Variants in KCNN3 observed in about 807,000 individuals in gnomAD.
The protein encoded by KCNN3 is potassium calcium-activated channel subfamily N member 3, also known as small conductance calcium-activated potassium channel protein 3.
In KCNN3, 16 loss-of-function variants were observed where a neutral mutation model predicts 62.9. The observed-to-expected ratio is 0.25, with a 90% confidence interval of 0.17 to 0.39. The LOEUF is 0.39. Ranked by LOEUF, KCNN3 falls within the 10% of genes least tolerant of loss-of-function variation. The pLI, the probability that KCNN3 is intolerant of heterozygous loss-of-function variation, is 1.00. For missense variants in KCNN3, 599 were observed against 949.4 expected (o/e 0.63, Z 4.85); for synonymous variants, 370 against 389.2 (o/e 0.95, Z 0.58).
chr1:154,743,104 C>T lies in KCNN3; in HGVS notation c.1449-9960G>A, dbSNP rs1398406951. ...ATCCCTGGTCTGTGGCCACCCTGGA[C>T]CAGCCCCACCCTCTCACCTTGTCCA... On this transcript the variant is annotated intron_variant, in intron 3 of 7. Coordinates refer to ENST00000271915, the MANE Select transcript of KCNN3 (RefSeq NM_002249.6). Among the ~76,000 whole-genome samples the T allele has an allele frequency of 3.3e-5, 5 of 151,910 alleles. No homozygotes were observed. The East Asian group carries it at 9.7e-4, about 29-fold the overall frequency.
intron 1 of KCNN3, among the ~76,000 whole-genome samples, chr1:154,848,125 C>CCA (rs2101919738): frequency 6.6e-6 from 1 of 152,318 alleles, no homozygotes; most frequent in East Asian, 1.9e-4. Flanking sequence ...GTGGCTGGTG[C>CCA]CGGCTGGTGT....
At chr1:154,849,330 G>A (rs956366667) in intron 1 of KCNN3, among the ~76,000 whole-genome samples, 3 of 152,250 alleles carry the variant, frequency 2.0e-5, no homozygotes, top group Non-Finnish European at 4.4e-5. Flanking sequence ...TGGGAGAACA[G>A]CCATGTGGCC....
chr1:154,810,427 G>A (rs555257307), intron 2 of KCNN3, among the ~76,000 whole-genome samples: 2 of 148,412 alleles, frequency 1.3e-5, no homozygotes, highest in Non-Finnish European at 3.0e-5. Context: ...ATGGGGCTCA[G>A]TGAGGCTTCA....
chr1:154,773,749 G>A (rs1648671208), intron 2 of KCNN3, among the ~76,000 whole-genome samples: 1 of 152,230 alleles, frequency 6.6e-6, no homozygotes, highest in South Asian at 2.1e-4. Context: ...ACGATGGTGA[G>A]AAAGATCAAC....
At chr1:154,774,866 TC>T (rs1267938067) in intron 2 of KCNN3, among the ~76,000 whole-genome samples, 1 of 152,224 alleles carries the variant, frequency 6.6e-6, no homozygotes, top group Non-Finnish European at 1.5e-5. Flanking sequence ...CATGCATGCA[TC>T]CTGGGAAGGC....
intron 2 of KCNN3, among the ~76,000 whole-genome samples, chr1:154,790,597 C>T (rs895976145): frequency 1.3e-5 from 2 of 152,124 alleles, no homozygotes; most frequent in Admixed American, 6.5e-5. Context: ...GGCTCTCTGC[C>T]GCTGCCCAAC....
At position 154,834,387 on chromosome 1, in the gene KCNN3, C is replaced by T. The variant is rs927120701; in HGVS notation, c.934-12203G>A. Among the ~76,000 whole-genome samples, 8 of 152,332 alleles carry T rather than the reference C, an allele frequency of 5.3e-5. No homozygotes were observed. In the East Asian group the frequency reaches 7.7e-4, roughly 15 times the overall value. On this transcript the variant is annotated intron_variant, in intron 1 of 7. Transcript: ENST00000271915. ...CCTTGGGTGCTGGTCCTGCCTATCA[C>T]GGGGCATGCAGTAGAGTCTCCCAAG...
At chr1:154,788,470 C>G (rs1649377997) in intron 2 of KCNN3, among the ~76,000 whole-genome samples, 1 of 152,216 alleles carries the variant, frequency 6.6e-6, no homozygotes, top group South Asian at 2.1e-4. Context: ...GACCTTGACT[C>G]TTGTTTTGAA....
intron 5 of KCNN3, among the ~76,000 whole-genome samples, chr1:154,715,536 T>C (rs1700215983): frequency 6.6e-6 from 1 of 151,864 alleles, no homozygotes; most frequent in Non-Finnish European, 1.5e-5. Flanking sequence ...AGGGTCTTTC[T>C]TTCTTTCTTT....
At chr1:154,715,161 G>C (rs1700206409) in intron 5 of KCNN3, among the ~76,000 whole-genome samples, 158 bp from the exon 6 acceptor site, 1 of 152,124 alleles carries the variant, frequency 6.6e-6, no homozygotes, top group South Asian at 2.1e-4. Context: ...ATTAAGGCCG[G>C]GCACGGTGGC....
At chr1:154,749,172 C>T (rs909149563) in intron 3 of KCNN3, among the ~76,000 whole-genome samples, 9 of 152,236 alleles carry the variant, frequency 5.9e-5, no homozygotes, top group African/African-American at 2.2e-4. Flanking sequence ...CAGGGCTGCC[C>T]TGTTCAGCAG....
intron 2 of KCNN3, among the ~76,000 whole-genome samples, chr1:154,789,076 T>C (rs1649402746): frequency 1.3e-5 from 2 of 152,310 alleles, no homozygotes; most frequent in South Asian, 4.1e-4. Context: ...TTCACTAGAC[T>C]AACGTGGAGG....
chr1:154,797,573 T>A (rs747159802), intron 2 of KCNN3, among the ~76,000 whole-genome samples: 3 of 152,214 alleles, frequency 2.0e-5, no homozygotes, highest in Admixed American at 1.3e-4. Flanking sequence ...CGGACTTATT[T>A]GATTGATTCC....
At chr1:154,823,976 A>G (rs377028170) in intron 1 of KCNN3, among the ~76,000 whole-genome samples, 2 of 152,220 alleles carry the variant, frequency 1.3e-5, no homozygotes, top group South Asian at 4.1e-4. Flanking sequence ...CCATTCATTT[A>G]ATTGGTACAG....
Position 154,853,525 on chromosome 1 carries a change from G to A in KCNN3, c.933+15507C>T, listed in dbSNP as rs12044463. On this transcript the variant is annotated intron_variant, in intron 1 of 7. Coordinates refer to ENST00000271915, the MANE Select transcript of KCNN3 (RefSeq NM_002249.6). Reference sequence around the variant, plus strand: ...TAATTTTTTGTTTTGTTTAGAAGGCGTCTCACTATATGGCCTAGGCTGGTC... The same window carrying A: ...TAATTTTTTGTTTTGTTTAGAAGGCATCTCACTATATGGCCTAGGCTGGTC... Among the ~76,000 whole-genome samples, 132 of 152,018 alleles carry A rather than the reference G, an allele frequency of 8.7e-4. 3 individuals carry two copies. In the East Asian group the frequency reaches 0.019, roughly 22 times the overall value.
intron 4 of KCNN3, among the ~76,000 whole-genome samples, chr1:154,727,076 C>G (rs1448525778): frequency 2.0e-5 from 3 of 152,240 alleles, no homozygotes; most frequent in African/African-American, 7.2e-5. Context: ...TCACTACTCC[C>G]CTGGCTCTTC....
At chr1:154,805,170 G>A (rs977316911) in intron 2 of KCNN3, among the ~76,000 whole-genome samples, 14 of 152,154 alleles carry the variant, frequency 9.2e-5, no homozygotes, top group African/African-American at 3.4e-4. Context: ...AGGGGGACCT[G>A]GGCGTTCAGG....
chr1:154,784,727 G>A (rs1192358848), intron 2 of KCNN3, among the ~76,000 whole-genome samples: 1 of 152,234 alleles, frequency 6.6e-6, no homozygotes, highest in East Asian at 1.9e-4. Context: ...AACAGCAGGG[G>A]CCATGTATTG....
chr1:154,842,558 C>T (rs1651877980), intron 1 of KCNN3, among the ~76,000 whole-genome samples: 1 of 152,154 alleles, frequency 6.6e-6, no homozygotes, highest in South Asian at 2.1e-4. Context: ...GCCCACTGAC[C>T]TGCAGCCTCC....
Sources: allele counts gnomAD v4.1 joint callset (sites outside exome capture counted in the v4.1 genomes callset), GRCh38; gene constraint gnomAD v4.1.1; transcripts MANE v1.5; gene names NCBI Gene and HGNC (gene_info 2026-07-23, HGNC 2026-07-21).